Variants in FBXL7 observed in about 807,000 individuals in gnomAD.
FBXL7 encodes the protein F-box and leucine rich repeat protein 7.
In FBXL7, 12 loss-of-function variants were observed where a neutral mutation model predicts 38.3. That is an observed-to-expected ratio of 0.31 (90% confidence interval 0.20 to 0.51). The LOEUF is 0.51. FBXL7 is among the 20% of genes least tolerant of loss of function. The probability of loss-of-function intolerance (pLI) is 0.98; values close to 1 mark genes in which losing one functional copy is unlikely to be tolerated. For missense variants in FBXL7, 567 were observed against 676.4 expected (o/e 0.84, Z 1.79); for synonymous variants, 297 against 300.9 (o/e 0.99, Z 0.13).
In FBXL7 at chr5:15,768,469, C is replaced by T. The variant is rs544481149; in HGVS notation, c.127+152397C>T. ...TCGCTTGAATCTGAAAGGTGGAGGT[C>T]GCAGTGAGCCGAGATCATGCCACTG... On this transcript the variant is annotated intron_variant, in intron 2 of 3. Coordinates refer to ENST00000504595, the MANE Select transcript of FBXL7 (RefSeq NM_012304.5). Among the ~76,000 whole-genome samples, 24 of 150,958 alleles carry T rather than the reference C, an allele frequency of 1.6e-4. No individual in the cohort carries two copies. The East Asian group carries it at 3.9e-3, about 25-fold the overall frequency.
At chr5:15,755,064 C>T (rs889284859) in intron 2 of FBXL7, among the ~76,000 whole-genome samples, 2 of 152,178 alleles carry the variant, frequency 1.3e-5, no homozygotes, top group Non-Finnish European at 2.9e-5. Flanking sequence ...TAGGAAATCC[C>T]TTCTGCCTCT....
At chr5:15,733,237 C>T (rs1160588682) in intron 2 of FBXL7, among the ~76,000 whole-genome samples, 1 of 152,082 alleles carries the variant, frequency 6.6e-6, no homozygotes, top group Non-Finnish European at 1.5e-5. Context: ...GGATTACAGG[C>T]ACCCGCCACC....
intron 2 of FBXL7, among the ~76,000 whole-genome samples, chr5:15,917,696 A>AG (rs1480771400): frequency 1.4e-3 from 189 of 133,250 alleles, no homozygotes; most frequent in Middle Eastern, 4.0e-3. Context: ...GAAGGAAGGA[A>AG]GAAAGAAAGG....
intron 2 of FBXL7, among the ~76,000 whole-genome samples, chr5:15,812,426 A>G (rs375584177): frequency 6.6e-6 from 1 of 152,142 alleles, no homozygotes; most frequent in South Asian, 2.1e-4. Context: ...TGATAGGTTC[A>G]GCAAACCACC....
chr5:15,803,982 C>T (rs1486150994), intron 2 of FBXL7, among the ~76,000 whole-genome samples: 2 of 152,188 alleles, frequency 1.3e-5, no homozygotes, highest in East Asian at 3.8e-4. Context: ...CACATCCATA[C>T]AAGTGCTATT....
chr5:15,897,815 C>T (rs879380516), intron 2 of FBXL7, among the ~76,000 whole-genome samples: 2 of 151,840 alleles, frequency 1.3e-5, no homozygotes, highest in Admixed American at 6.6e-5. Context: ...CAAGATGTTG[C>T]GTAAGGGATC....
intron 2 of FBXL7, among the ~76,000 whole-genome samples, chr5:15,885,430 T>C (rs1245958648): frequency 6.6e-6 from 1 of 152,164 alleles, no homozygotes; most frequent in Non-Finnish European, 1.5e-5. Context: ...CTGCATCCAA[T>C]CCACACACTC....
chr5:15,680,262 C>T (rs1742799712), intron 2 of FBXL7, among the ~76,000 whole-genome samples: 1 of 152,014 alleles, frequency 6.6e-6, no homozygotes, highest in African/African-American at 2.4e-5. Context: ...AAAAATAAAC[C>T]TCACTGGGAA....
chr5:15,939,195 G>A lies in FBXL7; in HGVS notation c.*2009G>A, dbSNP rs1742279671. ...TGTAATCAAGGCTCTGTGCCATGGG[G>A]GAAATGAATCATTTAGCTAGGCCAG... On this transcript the variant is annotated 3_prime_UTR_variant, in exon 4 of 4. Transcript: ENST00000504595. 2.5e-6 allele frequency: 1 copy of A among 396,774 alleles called. No individual in the cohort carries two copies. Among genetic ancestry groups the A allele is most frequent in the East Asian group, 3.6e-5 (1 of 27,992 alleles). The allele number at this position is 396,774 out of a possible 1,614,324, so 24.6% of individuals were successfully genotyped here.
intron 2 of FBXL7, among the ~76,000 whole-genome samples, chr5:15,636,385 AT>A (rs938370751): frequency 2.6e-5 from 4 of 151,868 alleles, no homozygotes; most frequent in East Asian, 3.9e-4. Context: ...GGATAGAACA[AT>A]TTTTTTTCAG....
intron 2 of FBXL7, among the ~76,000 whole-genome samples, chr5:15,924,232 C>T (rs1054808183): frequency 4.6e-5 from 7 of 152,052 alleles, no homozygotes; most frequent in Non-Finnish European, 1.0e-4. Context: ...TTCTTATGAA[C>T]GATTTAAAAT....
intron 1 of FBXL7, among the ~76,000 whole-genome samples, chr5:15,595,473 ATAAT>A (rs1739601457): frequency 6.6e-6 from 1 of 152,172 alleles, no homozygotes; most frequent in Non-Finnish European, 1.5e-5. Flanking sequence ...CTTTAATTTG[ATAAT>A]TAATTCAGAA....
chr5:15,772,396 C>T (rs931965134), intron 2 of FBXL7, among the ~76,000 whole-genome samples: 2 of 152,170 alleles, frequency 1.3e-5, no homozygotes, highest in East Asian at 1.9e-4. Context: ...CAATAAAAAT[C>T]CTCCTTTCTT....
At chr5:15,852,892 A>G (rs1366643940) in intron 2 of FBXL7, among the ~76,000 whole-genome samples, 2 of 152,202 alleles carry the variant, frequency 1.3e-5, no homozygotes, top group African/African-American at 4.8e-5. Context: ...TGGTTATACA[A>G]ATAAGTAAGA....
chr5:15,537,384 C>T (rs1363835389), intron 1 of FBXL7, among the ~76,000 whole-genome samples: 1 of 152,152 alleles, frequency 6.6e-6, no homozygotes, highest in Non-Finnish European at 1.5e-5. Flanking sequence ...AGACTCCAGA[C>T]CAAATACAGA....
At chr5:15,669,429 T>C (rs1053186192) in intron 2 of FBXL7, among the ~76,000 whole-genome samples, 2 of 152,178 alleles carry the variant, frequency 1.3e-5, no homozygotes, top group African/African-American at 4.8e-5. Flanking sequence ...CCCAGAGTTG[T>C]GCTGAGCGTG....
intron 2 of FBXL7, among the ~76,000 whole-genome samples, chr5:15,766,397 G>A (rs575721973): frequency 7.2e-5 from 11 of 152,152 alleles, no homozygotes; most frequent in South Asian, 2.1e-4. Context: ...TTTTGTATCC[G>A]TAGACAGGGA....
chr5:15,560,958 T>C (rs567099475), intron 1 of FBXL7, among the ~76,000 whole-genome samples: 9 of 152,210 alleles, frequency 5.9e-5, no homozygotes, highest in Non-Finnish European at 1.3e-4. Context: ...TTTTATTATA[T>C]GTGTATACAT....
chr5:15,843,756 A>T (rs1195092112), intron 2 of FBXL7, among the ~76,000 whole-genome samples: 1 of 152,046 alleles, frequency 6.6e-6, no homozygotes, highest in African/African-American at 2.4e-5. Context: ...TTAAAACCCA[A>T]GAAGGTGTCA....
Sources: gnomAD v4.1 joint callset for allele counts (sites outside exome capture counted in the v4.1 genomes callset) on GRCh38, gnomAD v4.1.1 for gene constraint, MANE v1.5 for transcripts, NCBI Gene and HGNC (gene_info 2026-07-23, HGNC 2026-07-21) for gene names.